PSG3: variants seen among roughly 807,000 people sequenced by gnomAD.
The protein encoded by PSG3 is pregnancy-specific beta-1-glycoprotein 3.
Under a neutral mutation model 47.5 loss-of-function variants are expected in PSG3, and 61 were observed. The ratio of observed to expected loss-of-function variants is 1.28; its 90% CI spans 1.05 to 1.59. The LOEUF (loss-of-function observed/expected upper bound fraction) is 1.59. Ranked by LOEUF, PSG3 falls within the 40% of genes most tolerant of loss-of-function variation. The probability of loss-of-function intolerance (pLI) is 0.00; values close to 1 mark genes in which losing one functional copy is unlikely to be tolerated. For synonymous variants in PSG3, 263 were observed against 198.4 expected (o/e 1.33, Z -2.74); for missense variants, 756 against 524.0 (o/e 1.44, Z -4.32).
At chr19:42,737,304 G>C (rs1568754867) in intron 2 of PSG3, among the ~76,000 whole-genome samples, 1 of 152,144 alleles carries the variant, frequency 6.6e-6, no homozygotes, top group Non-Finnish European at 1.5e-5. Context: ...TGCAAATTCA[G>C]TCTCTAAAGA....
rs575606532 is a variant in PSG3, at chr19:42,737,015, G to A, written c.430+1709C>T. ...CAGGGCTTGCCAGTCAGAATGAAGT[G>A]GGAGGAAGATGAGGGACACAGAGAA... On this transcript the variant is annotated intron_variant, in intron 2 of 6. Coordinates refer to ENST00000327495, the MANE Select transcript of PSG3 (RefSeq NM_021016.4). Among the ~76,000 whole-genome samples the A allele has an allele frequency of 9.3e-3, 1,423 of 152,218 alleles. 27 individuals carry two copies. The highest frequency in any genetic ancestry group is 0.033 in the African/African-American group (1,350 of 41,502).
At chr19:42,738,671 G>A (rs569848922) in intron 2 of PSG3, 53 bp downstream of exon 2, 66 of 1,612,272 alleles carry the variant, frequency 4.1e-5, no homozygotes, top group Non-Finnish European at 5.3e-5. Flanking sequence ...TCCTTTGTGT[G>A]TGAAGTAAAG....
chr19:42,731,656 C>T (rs1466820218), intron 3 of PSG3, among the ~76,000 whole-genome samples: 6 of 151,310 alleles, frequency 4.0e-5, no homozygotes, highest in Non-Finnish European at 8.8e-5. Context: ...TCTAATTCTG[C>T]AAAAAATGTT....
At position 42,729,104 on chromosome 19, in the gene PSG3, C is replaced by A; in HGVS notation, c.1243+19G>T. 6.2e-7 allele frequency: 1 copy of A among 1,613,936 alleles called. No individual in the cohort carries two copies. Among genetic ancestry groups the A allele is most frequent in the Non-Finnish European group, 8.5e-7 (1 of 1,179,852 alleles). ...CTCCACCTAAAACTCTATTGCCAAGCATGCTGGGATCCACTTACCAGAGAC... is the reference window on the plus strand; with the variant it reads ...CTCCACCTAAAACTCTATTGCCAAGAATGCTGGGATCCACTTACCAGAGAC... On this transcript the variant is annotated intron_variant, in intron 5 of 6. Transcript: ENST00000327495.
intron 2 of PSG3, among the ~76,000 whole-genome samples, chr19:42,735,123 C>T (rs1969541669): frequency 6.6e-6 from 1 of 152,210 alleles, no homozygotes; most frequent in South Asian, 2.1e-4. Flanking sequence ...CACCAGTATT[C>T]CCATTACGTG....
Position 42,721,707 on chromosome 19 carries a change from G to A in PSG3, c.*424C>T, listed in dbSNP as rs1471740808. 2.8e-6 allele frequency: 1 copy of A among 359,750 alleles called. No homozygotes were observed. The highest frequency in any genetic ancestry group is 5.0e-6 in the Non-Finnish European group (1 of 201,376). 22.3% of individuals were successfully genotyped at this position (359,750 alleles called of 1,614,324 possible). On this transcript the variant is annotated 3_prime_UTR_variant, in exon 7 of 7. Transcript: ENST00000327495. ...TACTCCTGAATAGTTTCCCAATTCT[G>A]GGGCACTTAGGGAGCAAAAGCAAAT...
At chr19:42,733,098 G>A (rs1469182110) in intron 2 of PSG3, 36 bp from the exon 3 acceptor site, 4 of 1,597,670 alleles carry the variant, frequency 2.5e-6, no homozygotes, top group Admixed American at 1.7e-5. Context: ...GCCCTGTGTG[G>A]CACCTTTGAT....
chr19:42,724,812 T>C (rs1188688532), intron 5 of PSG3, among the ~76,000 whole-genome samples: 1 of 152,100 alleles, frequency 6.6e-6, no homozygotes, highest in Non-Finnish European at 1.5e-5. Flanking sequence ...TAGCTTTTTT[T>C]CTTTCTCTCC....
chr19:42,725,890 C>CAAAAAAAAAAA lies in PSG3; in HGVS notation c.1244-1876_1244-1866dup, dbSNP rs200684147. Among the ~76,000 whole-genome samples, 265 of 67,912 alleles carry CAAAAAAAAAAA rather than the reference C, an allele frequency of 3.9e-3. 6 individuals carry two copies. Among genetic ancestry groups the CAAAAAAAAAAA allele is most frequent in the African/African-American group, 0.015 (235 of 15,924 alleles). 44.6% of individuals were successfully genotyped at this position (67,912 alleles called of 152,430 possible). A position where few individuals can be genotyped will look rare whatever the true frequency, so the allele number is the denominator to read the frequency against. On this transcript the variant is annotated intron_variant, in intron 5 of 6. Transcript: ENST00000327495. Reference sequence around the variant, plus strand: ...TCTCTCTCTCTTCAACAACAACAACCAAAAAAAAAAAAAAAAAAAGAAAAA... The same window carrying CAAAAAAAAAAA: ...TCTCTCTCTCTTCAACAACAACAACCAAAAAAAAAAAAAAAAAAAAAAAAAAAAAAGAAAAA...
rs61479007 is a variant in PSG3 at position 42,736,612 on chromosome 19, T to TTG, written c.430+2110_430+2111dup. On this transcript the variant is annotated intron_variant, in intron 2 of 6. Transcript: ENST00000327495. ...ACTACAAACCACCATTTCAATACAT[T>TTG]TGTGTGTGTGTGTGTGTGTGTGTGT... Among the ~76,000 whole-genome samples, 952 of 138,736 alleles carry TTG rather than the reference T, an allele frequency of 6.9e-3. 12 individuals carry two copies. Among genetic ancestry groups the TTG allele is most frequent in the Middle Eastern group, 0.017 (5 of 286 alleles). The allele number at this position is 138,736 out of a possible 152,430, so 91.0% of individuals were successfully genotyped here. A position where few individuals can be genotyped will look rare whatever the true frequency, so the allele number is the denominator to read the frequency against.
chr19:42,730,947 G>T (rs1412934095), intron 3 of PSG3, among the ~76,000 whole-genome samples: 1 of 152,234 alleles, frequency 6.6e-6, no homozygotes, highest in African/African-American at 2.4e-5. Context: ...ATATGTGTTT[G>T]ATGGATATGA....
chr19:42,730,176 A>T, intron 3 of PSG3, 120 bp from the exon 4 acceptor site: 1 of 1,511,056 alleles, frequency 6.6e-7, no homozygotes, highest in South Asian at 1.3e-5. Context: ...GAAAGCCAAT[A>T]GCTGGTGCGT....
intron 6 of PSG3, 26 bp downstream of exon 6, chr19:42,723,916 C>T: frequency 6.6e-7 from 1 of 1,523,924 alleles, no homozygotes; most frequent in Admixed American, 1.7e-5. Flanking sequence ...CTGCAGGAAC[C>T]AGGATAAGAG....
intron 3 of PSG3, 76 bp downstream of exon 3, chr19:42,732,708 G>A: frequency 1.2e-6 from 2 of 1,614,062 alleles, no homozygotes; most frequent in South Asian, 2.2e-5. Context: ...GACCTGAGAG[G>A]GACTGAGAGG....
chr19:42,728,452 C>T (rs1008357981), intron 5 of PSG3, among the ~76,000 whole-genome samples: 3 of 152,208 alleles, frequency 2.0e-5, no homozygotes, highest in African/African-American at 7.2e-5. Context: ...AGAGCCAGGA[C>T]ACAGCTCAGG....
intron 5 of PSG3, among the ~76,000 whole-genome samples, chr19:42,725,876 TCAA>T (rs1336180077): frequency 2.0e-5 from 2 of 101,006 alleles, no homozygotes; most frequent in African/African-American, 5.6e-5. Flanking sequence ...CTCTCTCTCT[TCAA>T]CAACAACAAC....
intron 2 of PSG3, chr19:42,734,037 C>T (rs1969520584): frequency 6.6e-6 from 1 of 152,168 alleles, no homozygotes; most frequent in Admixed American, 6.5e-5. Flanking sequence ...AATTTGACTA[C>T]TCTATGTACC....
Position 42,729,107 on chromosome 19 carries a change from G to C in PSG3, c.1243+16C>G. ...CACCTAAAACTCTATTGCCAAGCAT[G>C]CTGGGATCCACTTACCAGAGACTTT... On this transcript the variant is annotated intron_variant, in intron 5 of 6. Transcript: ENST00000327495. 6.2e-7 allele frequency: 1 copy of C among 1,613,934 alleles called. No individual in the cohort carries two copies. The highest frequency in any genetic ancestry group is 8.5e-7 in the Non-Finnish European group (1 of 1,179,854).
chr19:42,729,695 C>A (rs1969438596), intron 4 of PSG3, 83 bp downstream of exon 4: 2 of 1,572,980 alleles, frequency 1.3e-6, no homozygotes, highest in African/African-American at 1.4e-5. Context: ...ATACTTGGAC[C>A]AGAGAGAGAG....
Sources: allele counts gnomAD v4.1 joint callset (sites outside exome capture counted in the v4.1 genomes callset), GRCh38; gene constraint gnomAD v4.1.1; transcripts MANE v1.5; gene names NCBI Gene and HGNC (gene_info 2026-07-23, HGNC 2026-07-21).